The following GARRE1 variants were observed in gnomAD, a reference collection of about 807,000 sequenced individuals.
GARRE1 encodes the protein granule associated Rac and RHOG effector 1.
A neutral mutation model predicts 103.2 loss-of-function variants in GARRE1; 49 were observed. The ratio of observed to expected loss-of-function variants is 0.47; its 90% CI spans 0.38 to 0.60. The LOEUF is 0.60. GARRE1 is among the 20% of genes least tolerant of loss of function. The pLI is 0.00. For missense variants in GARRE1, 1,199 were observed against 1,370.5 expected, an observed-to-expected ratio of 0.87 and a Z score of 1.98; for synonymous variants, 505 against 532.8, an observed-to-expected ratio of 0.95 and a Z score of 0.72.
At chr19:34,330,890 A>G (rs2074134706) in intron 7 of GARRE1, among the ~76,000 whole-genome samples, 1 of 141,212 alleles carries the variant, frequency 7.1e-6, no homozygotes, top group Non-Finnish European at 1.6e-5. Flanking sequence ...ACCCGCCACC[A>G]CATCTGGCTA....
At chr19:34,296,006 T>C (rs2073944757) in intron 1 of GARRE1, among the ~76,000 whole-genome samples, 3 of 152,394 alleles carry the variant, frequency 2.0e-5, no homozygotes, top group Admixed American at 2.0e-4. Flanking sequence ...CTTCTAATTC[T>C]ACTCCATTGA....
At chr19:34,265,691 A>G (rs2073747141) in intron 1 of GARRE1, 1 of 152,230 alleles carries the variant, frequency 6.6e-6, no homozygotes, top group South Asian at 2.1e-4. Context: ...GTTTTCGACT[A>G]GTAGAAGACA....
chr19:34,311,261 A>G (rs1599767694), intron 2 of GARRE1, among the ~76,000 whole-genome samples: 1 of 152,212 alleles, frequency 6.6e-6, no homozygotes, highest in East Asian at 1.9e-4. Context: ...TACCTGGAAT[A>G]AGGACTACAC....
intron 1 of GARRE1, among the ~76,000 whole-genome samples, chr19:34,287,382 C>A (rs1239963057): frequency 6.6e-6 from 1 of 152,136 alleles, no homozygotes; most frequent in African/African-American, 2.4e-5. Context: ...GACTCGAAGT[C>A]CTGGACTCAA....
chr19:34,320,200 G>A (rs1439226866), intron 3 of GARRE1, 84 bp downstream of exon 3: 5 of 1,077,376 alleles, frequency 4.6e-6, no homozygotes, highest in African/African-American at 1.6e-5. Flanking sequence ...TCTCAAAACA[G>A]CCATTTCATT....
At chr19:34,334,572 G>A (rs1453940499) in intron 8 of GARRE1, among the ~76,000 whole-genome samples, 1 of 151,784 alleles carries the variant, frequency 6.6e-6, no homozygotes, top group African/African-American at 2.4e-5. Flanking sequence ...GGTGGTGGGT[G>A]CCTGTAATTC....
intron 1 of GARRE1, among the ~76,000 whole-genome samples, chr19:34,259,067 C>G (rs776915726): frequency 9.2e-5 from 14 of 152,224 alleles, no homozygotes; most frequent in South Asian, 4.1e-4. Flanking sequence ...ACTTGGGAGG[C>G]TGAGGCCGGA....
intron 8 of GARRE1, among the ~76,000 whole-genome samples, chr19:34,339,255 C>T (rs1175284434): frequency 6.6e-6 from 1 of 152,190 alleles, no homozygotes; most frequent in Non-Finnish European, 1.5e-5. Flanking sequence ...TCTAACCAAT[C>T]GGCTATAAGT....
rs2074149066 is a variant in GARRE1 at position 34,333,889 on chromosome 19, C to T, written c.1361+88C>T. On this transcript the variant is annotated intron_variant, in intron 8 of 13. Coordinates refer to ENST00000299505, the MANE Select transcript of GARRE1 (RefSeq NM_014686.5). ...TGATGGCCTTGTTTTGAACAATGCC[C>T]ATGCTAGCTGACGCAACAAGTCTTG... 3 of 844,060 alleles carry T rather than the reference C, an allele frequency of 3.6e-6. No individual in the cohort carries two copies. The South Asian group carries it at 4.1e-5, about 11-fold the overall frequency. 52.3% of individuals were successfully genotyped at this position (844,060 alleles called of 1,614,324 possible).
intron 10 of GARRE1, among the ~76,000 whole-genome samples, 184 bp from the exon 11 acceptor site, chr19:34,347,693 G>A (rs1405360840): frequency 6.6e-6 from 1 of 152,158 alleles, no homozygotes; most frequent in African/African-American, 2.4e-5. Context: ...CCCTAGGTGC[G>A]GCAAGTCCCA....
At chr19:34,349,729 C>A (rs328405) in intron 12 of GARRE1, among the ~76,000 whole-genome samples, 33,892 of 152,066 alleles carry the variant, frequency 0.22, 4,371 homozygotes, top group East Asian at 0.62. Context: ...AGAGGGCACG[C>A]AGGGCTCCCA....
intron 1 of GARRE1, among the ~76,000 whole-genome samples, chr19:34,289,557 C>T (rs1179543448): frequency 2.0e-5 from 3 of 151,884 alleles, no homozygotes; most frequent in Admixed American, 2.0e-4. Context: ...AATCCCGTCT[C>T]CACTAAATAT....
chr19:34,343,762 G>A (rs939491621), intron 10 of GARRE1, among the ~76,000 whole-genome samples: 6 of 151,292 alleles, frequency 4.0e-5, no homozygotes, highest in Admixed American at 3.3e-4. Context: ...TGGGAAGATC[G>A]CTTGAGCTCA....
intron 1 of GARRE1, among the ~76,000 whole-genome samples, chr19:34,263,343 A>G (rs2073731546): frequency 6.6e-6 from 1 of 152,182 alleles, no homozygotes; most frequent in Admixed American, 6.5e-5. Context: ...AATTTATGGA[A>G]TGATAGAAAA....
Position 34,353,363 on chromosome 19 carries a change from C to G in GARRE1, c.*408C>G, listed in dbSNP as rs2074251104. 2 of 206,484 alleles carry G rather than the reference C, an allele frequency of 9.7e-6. No individual in the cohort carries two copies. Among genetic ancestry groups the G allele is most frequent in the East Asian group, 2.1e-4 (2 of 9,502 alleles). The allele number at this position is 206,484 out of a possible 1,614,324, so 12.8% of individuals were successfully genotyped here. ...GCATAACTGACCATTTTTTGGAAAC[C>G]CTCTCCTCCCTCCTCCACACCTTGA... is the stretch of plus-strand genomic sequence containing the variant. On this transcript the variant is annotated 3_prime_UTR_variant, in exon 14 of 14. Transcript: ENST00000299505.
chr19:34,346,718 G>A (rs967290347), intron 10 of GARRE1, among the ~76,000 whole-genome samples: 13 of 152,182 alleles, frequency 8.5e-5, no homozygotes, highest in Admixed American at 7.2e-4. Context: ...CCAGGTTCAA[G>A]TGATTCTCCT....
At position 34,352,631 on chromosome 19, in the gene GARRE1, C is replaced by G; in HGVS notation, c.2905-16C>G. Reference sequence around the variant, plus strand: ...ATTGCCCGAAATGCCACTAAGAACTCTCTTTTGTTTCTCAGGATAACAAAA... The same window carrying G: ...ATTGCCCGAAATGCCACTAAGAACTGTCTTTTGTTTCTCAGGATAACAAAA... On this transcript the variant is annotated splice_polypyrimidine_tract_variant and intron_variant, in intron 13 of 13. Transcript: ENST00000299505. 6.2e-7 allele frequency: 1 copy of G among 1,600,440 alleles called. No individual in the cohort carries two copies.
chr19:34,318,110 T>G (rs1357548058), intron 2 of GARRE1, among the ~76,000 whole-genome samples: 1 of 152,192 alleles, frequency 6.6e-6, no homozygotes, highest in Non-Finnish European at 1.5e-5. Context: ...TTTAGTTTGG[T>G]CCTGGTGATT....
At chr19:34,348,079 A>C in intron 11 of GARRE1, 37 bp downstream of exon 11, 1 of 1,384,952 alleles carries the variant, frequency 7.2e-7, no homozygotes, top group Non-Finnish European at 9.4e-7. Flanking sequence ...TGAGCTTGAG[A>C]CCCAGGTGTC....
Sources: allele counts gnomAD v4.1 joint callset (sites outside exome capture counted in the v4.1 genomes callset), GRCh38; gene constraint gnomAD v4.1.1; transcripts MANE v1.5; gene names NCBI Gene and HGNC (gene_info 2026-07-23, HGNC 2026-07-21).